The following BBS5 variants were observed in gnomAD, a reference collection of about 807,000 sequenced individuals.
BBS5 encodes the protein Bardet-Biedl syndrome 5.
BBS5 carries 39 observed loss-of-function variants against 50.2 expected under a neutral mutation model. That is an observed-to-expected ratio of 0.78 (90% CI 0.60 to 1.01). The LOEUF (loss-of-function observed/expected upper bound fraction) is 1.01, where lower values mean the gene tolerates loss of function less well. Among genes scored for constraint, BBS5 ranks in the 50% least tolerant of loss-of-function variants. The pLI is 0.00. For synonymous variants in BBS5, 134 were observed against 133.1 expected (o/e 1.01, Z -0.05); for missense variants, 356 against 401.5 (o/e 0.89, Z 0.97).
At chr2:169,498,806 C>CAA (rs368910049) in intron 8 of BBS5, among the ~76,000 whole-genome samples, 1,563 of 71,992 alleles carry the variant, frequency 0.022, 42 homozygotes, top group African/African-American at 0.072. Flanking sequence ...GACTCTGTCT[C>CAA]AAAAAAAAAA....
In BBS5 at chr2:169,504,802, G is replaced by T. The variant is rs147310933; in HGVS notation, c.*220G>T. On this transcript the variant is annotated 3_prime_UTR_variant, in exon 12 of 12. Transcript: ENST00000295240. Reference sequence around the variant, plus strand: ...GCGACACATGGCCTAGTAACCGTCCGGCCGCGGCGCTGGCTTAAGCCATGG... The same window carrying T: ...GCGACACATGGCCTAGTAACCGTCCTGCCGCGGCGCTGGCTTAAGCCATGG... The T allele has an allele frequency of 2.6e-6, 4 of 1,553,254 alleles. No individual in the cohort carries two copies. Among genetic ancestry groups the T allele is most frequent in the East Asian group, 4.7e-5 (2 of 42,564 alleles).
Position 169,479,592 on chromosome 2 carries a change from C to G in BBS5, c.39C>G (p.Val13=), listed in dbSNP as rs10188609. Residue 13 remains valine, a synonymous_variant, in exon 1 of 12, where the codon GTC becomes GTG. Coordinates refer to ENST00000295240, the MANE Select transcript of BBS5 (RefSeq NM_152384.3). The part of the protein sequence containing the change: ...VLDALWEDRD[V]RFDLSAQQMK... ...ATGCGCTTTGGGAGGATCGGGATGT[C>G]CGTTTCGACCTGTCCGCGCAGTGAG... 7.5e-3 allele frequency: 12,098 copies of G among 1,614,132 alleles called. 843 individuals are homozygous for G. The African/African-American group carries it at 0.15, about 19-fold the overall frequency.
At chr2:169,503,007 T>G in intron 9 of BBS5, 88 bp from the exon 10 acceptor site, 1 of 953,598 alleles carries the variant, frequency 1.0e-6, no homozygotes, top group Non-Finnish European at 1.7e-6. Context: ...ACTTTAGTAG[T>G]TTGTAATTGT....
chr2:169,481,181 A>T (rs1683389231), intron 1 of BBS5, among the ~76,000 whole-genome samples: 1 of 152,178 alleles, frequency 6.6e-6, no homozygotes, highest in African/African-American at 2.4e-5. Context: ...TGTGGTAAAT[A>T]CCATTCTGAA....
chr2:169,497,825 G>C, intron 8 of BBS5, 136 bp downstream of exon 8: 1 of 630,736 alleles, frequency 1.6e-6, no homozygotes. Flanking sequence ...TATATGAAGT[G>C]TTTGAAGTCA....
At position 169,504,625 on chromosome 2, in the gene BBS5, G is replaced by C; in HGVS notation, c.*43G>C. On this transcript the variant is annotated 3_prime_UTR_variant, in exon 12 of 12. Coordinates refer to ENST00000295240, the MANE Select transcript of BBS5 (RefSeq NM_152384.3). ...TGGATTTCTATTAAAGATATCTCTA[G>C]TTTAAAGATACTAGTCACCTGCCAT... The C allele has an allele frequency of 7.1e-7, 1 of 1,414,672 alleles. No individual in the cohort carries two copies. Among genetic ancestry groups the C allele is most frequent in the Non-Finnish European group, 1.0e-6 (1 of 998,192 alleles). 87.6% of individuals were successfully genotyped at this position (1,414,672 alleles called of 1,614,324 possible).
At chr2:169,485,431 A>G (rs991259418) in intron 2 of BBS5, among the ~76,000 whole-genome samples, 7 of 152,224 alleles carry the variant, frequency 4.6e-5, no homozygotes, top group Admixed American at 6.5e-5. Flanking sequence ...TACTTTTCCA[A>G]GGTCACGTAG....
At chr2:169,493,895 T>TTAACTATTGAACAA in intron 7 of BBS5, 59 bp downstream of exon 7, 1 of 1,186,460 alleles carries the variant, frequency 8.4e-7, no homozygotes, top group Non-Finnish European at 1.2e-6. Flanking sequence ...TTTTGTTCAA[T>TTAACTATTGAACAA]AGTTAATTGG....
chr2:169,497,624 T>C lies in BBS5; in HGVS notation c.619-3T>C, dbSNP rs781492888. On this transcript the variant is annotated splice_polypyrimidine_tract_variant and splice_region_variant and intron_variant, in intron 7 of 11. Coordinates refer to ENST00000295240, the MANE Select transcript of BBS5 (RefSeq NM_152384.3). ...ATGTTTTTCTTTTTCATTTTGTATC[T>C]AGCGTTCAATAAAGATTAGAGATTC... is the stretch of plus-strand genomic sequence containing the variant. 1 of 1,564,796 alleles carries C rather than the reference T, an allele frequency of 6.4e-7. No homozygotes were observed. Among genetic ancestry groups the C allele is most frequent in the East Asian group, 2.2e-5 (1 of 44,486 alleles).
intron 8 of BBS5, 149 bp downstream of exon 8, chr2:169,497,838 C>T (rs774662132): frequency 3.3e-6 from 2 of 604,566 alleles, no homozygotes; most frequent in Non-Finnish European, 6.0e-6. Context: ...TGAAGTCATA[C>T]AGAAATTGTC....
chr2:169,497,643 G>T lies in BBS5; in HGVS notation c.635G>T (p.Arg212Ile). The T allele has an allele frequency of 6.3e-7, 1 of 1,595,446 alleles. No homozygotes were observed. Among genetic ancestry groups the T allele is most frequent in the South Asian group, 1.1e-5 (1 of 90,472 alleles). The stretch of plus-strand genomic sequence containing the variant: ...TGTATCTAGCGTTCAATAAAGATTA[G>T]AGATTCAAAATTTGGTTTAGCTCTT... ...PYLQIRSIKI[R>I]DSKFGLALVI... Residue 212 changes from arginine to isoleucine, a missense_variant, in exon 8 of 12, where the codon AGA becomes ATA. By Grantham distance (97) the Arg-to-Ile change is moderately conservative. Transcript: ENST00000295240.
rs1032652237 is a variant in BBS5, at chr2:169,506,247, C to G, written c.*1665C>G. 6.2e-6 allele frequency: 1 copy of G among 160,992 alleles called. No individual in the cohort carries two copies. The highest frequency in any genetic ancestry group is 1.3e-5 in the Non-Finnish European group (1 of 75,514). 10.0% of individuals were successfully genotyped at this position (160,992 alleles called of 1,614,324 possible). A position where few individuals can be genotyped will look rare whatever the true frequency, so the allele number is the denominator to read the frequency against. ...TTAGGGGCGCCTCTGCCCGGCCGCC[C>G]CTACTGGGAAGTGAGGAGCCCCTCT... On this transcript the variant is annotated 3_prime_UTR_variant, in exon 12 of 12. Transcript: ENST00000295240.
At position 169,505,172 on chromosome 2, in the gene BBS5, G is replaced by A. The variant is rs1052199543; in HGVS notation, c.*590G>A. 1.9e-4 allele frequency: 113 copies of A among 597,110 alleles called. No individual in the cohort carries two copies. Among genetic ancestry groups the A allele is most frequent in the Non-Finnish European group, 3.3e-4 (108 of 331,320 alleles). 37.0% of individuals were successfully genotyped at this position (597,110 alleles called of 1,614,324 possible). On this transcript the variant is annotated 3_prime_UTR_variant, in exon 12 of 12. Transcript: ENST00000295240. ...GGGTTTCGCTGTGTTGGCCGGGCTG[G>A]TCTCCAGCTCCTAACCGCGAGTGAT...
intron 5 of BBS5, among the ~76,000 whole-genome samples, chr2:169,489,139 G>A (rs972259895): frequency 1.2e-4 from 19 of 152,064 alleles, no homozygotes; most frequent in South Asian, 1.0e-3. Flanking sequence ...CTACAGGTGC[G>A]CACCACCATG....
intron 10 of BBS5, 73 bp downstream of exon 10, chr2:169,503,251 T>C: frequency 8.5e-7 from 1 of 1,183,424 alleles, no homozygotes; most frequent in Non-Finnish European, 1.2e-6. Flanking sequence ...AATAATGGTG[T>C]GTGTGAAACA....
At chr2:169,500,509 C>T (rs969911146) in intron 9 of BBS5, among the ~76,000 whole-genome samples, 2 of 152,198 alleles carry the variant, frequency 1.3e-5, no homozygotes, top group Admixed American at 1.3e-4. Context: ...GCTGTCTGTT[C>T]TTTTACTGGC....
chr2:169,488,121 T>C lies in BBS5; in HGVS notation c.386+7T>C. 1.2e-6 allele frequency: 2 copies of C among 1,612,444 alleles called. No homozygotes were observed. The highest frequency in any genetic ancestry group is 1.7e-6 in the Non-Finnish European group (2 of 1,178,938). On this transcript the variant is annotated splice_region_variant and intron_variant, in intron 5 of 11. Coordinates refer to ENST00000295240, the MANE Select transcript of BBS5 (RefSeq NM_152384.3). ...CTGTGATGGCAGTACACAGGTATAG[T>C]AATACTTTATGGATTATTGAATATT...
rs768287987 is a variant in BBS5 at position 169,504,587 on chromosome 2, C to A, written c.*5C>A. 1.1e-5 allele frequency: 18 copies of A among 1,591,604 alleles called. No individual in the cohort carries two copies. In the African/African-American group the frequency reaches 2.0e-4, roughly 18 times the overall value. On this transcript the variant is annotated 3_prime_UTR_variant, in exon 12 of 12. Transcript: ENST00000295240. The stretch of plus-strand genomic sequence containing the variant: ...CTTTGGGAAGTAATGAGTTGATTGA[C>A]CTTGAGTTGAGATGGATTTCTATTA...
At chr2:169,499,764 C>G in intron 9 of BBS5, 144 bp downstream of exon 9, 1 of 828,392 alleles carries the variant, frequency 1.2e-6, no homozygotes, top group South Asian at 1.6e-5. Flanking sequence ...GGGCATAGCT[C>G]CTGGATTATC....
Sources: allele counts gnomAD v4.1 joint callset (sites outside exome capture counted in the v4.1 genomes callset), GRCh38; gene constraint gnomAD v4.1.1; transcripts MANE v1.5; gene names NCBI Gene and HGNC (gene_info 2026-07-23, HGNC 2026-07-21).